Variants in FRMD4A observed in about 807,000 individuals in gnomAD.
The protein encoded by FRMD4A is FERM domain-containing protein 4A.
A neutral mutation model predicts 129.1 loss-of-function variants in FRMD4A; 29 were observed. The ratio of observed to expected loss-of-function variants is 0.22; its 90% CI spans 0.17 to 0.31. The LOEUF (loss-of-function observed/expected upper bound fraction) is 0.31, where lower values mean the gene tolerates loss of function less well. Among genes scored for constraint, FRMD4A ranks in the 10% least tolerant of loss-of-function variants. The pLI is 1.00. For synonymous variants in FRMD4A, 634 were observed against 571.6 expected (o/e 1.11, Z -1.56); for missense variants, 1,272 against 1,375.8 (o/e 0.92, Z 1.19).
intron 5 of FRMD4A, among the ~76,000 whole-genome samples, chr10:13,787,164 G>C (rs548971955): frequency 6.6e-6 from 1 of 152,126 alleles, no homozygotes; most frequent in East Asian, 1.9e-4. Context: ...ACCTCCTCTC[G>C]ACGGAAGTGG....
intron 2 of FRMD4A, among the ~76,000 whole-genome samples, chr10:13,871,741 G>A (rs956507898): frequency 5.9e-5 from 9 of 152,328 alleles, no homozygotes; most frequent in Non-Finnish European, 7.3e-5. Context: ...CTTGCATCTC[G>A]CAGACTCAGT....
intron 9 of FRMD4A, among the ~76,000 whole-genome samples, 173 bp downstream of exon 9, chr10:13,747,555 AAAATAAAT>A (rs1207513941): frequency 2.6e-5 from 4 of 151,744 alleles, no homozygotes; most frequent in African/African-American, 2.4e-5. Flanking sequence ...AATTATTTTA[AAAATAAAT>A]AAATAAATAA....
At chr10:13,780,624 A>G (rs978149650) in intron 6 of FRMD4A, among the ~76,000 whole-genome samples, 3 of 152,230 alleles carry the variant, frequency 2.0e-5, no homozygotes, top group Admixed American at 6.5e-5. Flanking sequence ...CAAAACCACA[A>G]TGAGATACAC....
chr10:13,901,929 T>A (rs1303116181), intron 2 of FRMD4A, among the ~76,000 whole-genome samples: 1 of 152,150 alleles, frequency 6.6e-6, no homozygotes, highest in East Asian at 1.9e-4. Context: ...TAGCAAATAA[T>A]CTGTTAATAA....
chr10:13,681,836 G>A (rs1232129230), intron 15 of FRMD4A, among the ~76,000 whole-genome samples: 1 of 152,170 alleles, frequency 6.6e-6, no homozygotes, highest in African/African-American at 2.4e-5. Context: ...TTCTTCAGAA[G>A]TTGGGAGAAT....
chr10:13,720,398 T>G lies in FRMD4A; in HGVS notation c.760-13285A>C, dbSNP rs12219785. 4.6e-3 allele frequency among the ~76,000 whole-genome samples: 701 copies of G among 152,126 alleles called. 6 individuals are homozygous for G. Among genetic ancestry groups the G allele is most frequent in the Non-Finnish European group, 7.9e-3 (538 of 67,980 alleles). On this transcript the variant is annotated intron_variant, in intron 12 of 24. Coordinates refer to ENST00000357447, the MANE Select transcript of FRMD4A (RefSeq NM_018027.5). ...TCAATGAGGCCACTATCCACAGACA[T>G]AAGGAGGAGTCTGTGAAATTAGCAG...
intron 12 of FRMD4A, among the ~76,000 whole-genome samples, chr10:13,718,090 G>A (rs1373056339): frequency 1.3e-5 from 2 of 152,152 alleles, no homozygotes; most frequent in Non-Finnish European, 2.9e-5. Flanking sequence ...TTCCAGAGCC[G>A]GCCCATCCTG....
intron 4 of FRMD4A, among the ~76,000 whole-genome samples, chr10:13,804,183 G>A (rs978240947): frequency 5.9e-5 from 9 of 152,156 alleles, no homozygotes; most frequent in African/African-American, 1.9e-4. Flanking sequence ...AGCCAGGCAC[G>A]GAGGCTGCAG....
In FRMD4A at chr10:13,770,443, T is replaced by C. The variant is rs140999224; in HGVS notation, c.385-7763A>G. On this transcript the variant is annotated intron_variant, in intron 6 of 24. Coordinates refer to ENST00000357447, the MANE Select transcript of FRMD4A (RefSeq NM_018027.5). ...CTTATATTTTAAATAATTTTTACTTTTATTTATTTATTTTTGTTGAGACAG... is the reference window on the plus strand; with the variant it reads ...CTTATATTTTAAATAATTTTTACTTCTATTTATTTATTTTTGTTGAGACAG... 1.6e-4 allele frequency among the ~76,000 whole-genome samples: 24 copies of C among 152,224 alleles called. No individual in the cohort carries two copies. In the East Asian group the frequency reaches 4.6e-3, roughly 29 times the overall value.
chr10:14,330,163 C>G lies in FRMD4A; in HGVS notation c.-61G>C. ...GTCAGTCCTCCTGGGCCCCGGGTGGCTACAGAGCATCCAAAAGCACCTGCA... is the reference window on the plus strand; with the variant it reads ...GTCAGTCCTCCTGGGCCCCGGGTGGGTACAGAGCATCCAAAAGCACCTGCA... On this transcript the variant is annotated 5_prime_UTR_variant, in exon 2 of 25. The change abolishes the stop of an existing upstream ORF in the 5' untranslated region. Coordinates refer to ENST00000357447, the MANE Select transcript of FRMD4A (RefSeq NM_018027.5). The G allele has an allele frequency of 6.6e-7, 1 of 1,516,230 alleles. No homozygotes were observed. Among genetic ancestry groups the G allele is most frequent in the Non-Finnish European group, 9.0e-7 (1 of 1,116,784 alleles). 93.9% of individuals were successfully genotyped at this position (1,516,230 alleles called of 1,614,324 possible).
At position 13,684,395 on chromosome 10, in the gene FRMD4A, T is replaced by C. The variant is rs1391994341; in HGVS notation, c.1118-9351A>G. The C allele has an allele frequency of 5.1e-6, 5 of 985,210 alleles. No individual in the cohort carries two copies. The African/African-American group carries it at 8.7e-5, about 17-fold the overall frequency. The allele number at this position is 985,210 out of a possible 1,614,324, so 61.0% of individuals were successfully genotyped here. Reference sequence around the variant, plus strand: ...ACTTCCCGATGCTATGAACATTGTTTGAGACCCTGGAGACACTGCCTGTGT... The same window carrying C: ...ACTTCCCGATGCTATGAACATTGTTCGAGACCCTGGAGACACTGCCTGTGT... On this transcript the variant is annotated intron_variant, in intron 15 of 24. Transcript: ENST00000357447.
intron 2 of FRMD4A, among the ~76,000 whole-genome samples, chr10:14,042,118 A>T (rs1382429967): frequency 6.6e-6 from 1 of 152,232 alleles, no homozygotes; most frequent in Non-Finnish European, 1.5e-5. Flanking sequence ...AACATTTTTA[A>T]ATGTCTGCTA....
At chr10:13,727,748 C>A (rs966125980) in intron 12 of FRMD4A, 1 of 152,314 alleles carries the variant, frequency 6.6e-6, no homozygotes, top group Non-Finnish European at 1.5e-5. Context: ...TCACCCCTCC[C>A]GCTCTTCCTT....
chr10:14,081,040 A>C (rs1286964603), intron 2 of FRMD4A, among the ~76,000 whole-genome samples: 2 of 152,004 alleles, frequency 1.3e-5, no homozygotes, highest in African/African-American at 4.8e-5. Context: ...TATAAAGATT[A>C]CTCAGGTTGT....
chr10:14,259,402 A>T (rs1452571654), intron 2 of FRMD4A, among the ~76,000 whole-genome samples: 1 of 152,078 alleles, frequency 6.6e-6, no homozygotes, highest in East Asian at 1.9e-4. Flanking sequence ...TAAACCAATG[A>T]TTTTCCTGTC....
At chr10:13,858,698 C>T in intron 3 of FRMD4A, 149 bp downstream of exon 3, 1 of 673,926 alleles carries the variant, frequency 1.5e-6, no homozygotes, top group Non-Finnish European at 2.7e-6. Context: ...ACACACAAAA[C>T]ACCCTGGTGG....
chr10:14,269,702 G>A (rs959716178), intron 2 of FRMD4A, among the ~76,000 whole-genome samples: 2 of 152,186 alleles, frequency 1.3e-5, no homozygotes, highest in African/African-American at 4.8e-5. Flanking sequence ...AAGCCCTTAA[G>A]CTTAATCCCT....
intron 2 of FRMD4A, among the ~76,000 whole-genome samples, chr10:14,016,942 G>T (rs1167650233): frequency 6.6e-6 from 1 of 152,240 alleles, no homozygotes; most frequent in Non-Finnish European, 1.5e-5. Context: ...AGGCTGTTCA[G>T]CTCGTCATCC....
chr10:13,761,817 A>T, intron 7 of FRMD4A, 148 bp from the exon 8 acceptor site: 1 of 627,700 alleles, frequency 1.6e-6, no homozygotes, highest in Non-Finnish European at 2.9e-6. Context: ...CAGGAATACA[A>T]TTAAAACTGA....
Sources: gnomAD v4.1 joint callset for allele counts (sites outside exome capture counted in the v4.1 genomes callset) on GRCh38, gnomAD v4.1.1 for gene constraint, MANE v1.5 for transcripts, NCBI Gene and HGNC (gene_info 2026-07-23, HGNC 2026-07-21) for gene names.